Variants in PPFIBP2 observed in about 807,000 individuals in gnomAD.
PPFIBP2 encodes the protein PPFIB scaffold protein 2.
PPFIBP2 carries 118 observed loss-of-function variants against 118.3 expected under a neutral mutation model. That is an observed-to-expected ratio of 1.00 (90% confidence interval 0.86 to 1.16). The LOEUF is 1.16. PPFIBP2 is among the 50% of genes most tolerant of loss of function. PPFIBP2 has a pLI of 0.00. For synonymous variants in PPFIBP2, 414 were observed against 397.4 expected (o/e 1.04, Z -0.50); for missense variants, 1,195 against 1,073.1 (o/e 1.11, Z -1.59).
At chr11:7,558,648 C>G (rs543395601) in intron 2 of PPFIBP2, among the ~76,000 whole-genome samples, 2 of 151,538 alleles carry the variant, frequency 1.3e-5, no homozygotes, top group Admixed American at 1.3e-4. Flanking sequence ...CCCACCTACT[C>G]GGGAGGCTGA....
chr11:7,537,731 G>C (rs1427877213), intron 1 of PPFIBP2, among the ~76,000 whole-genome samples: 4 of 152,324 alleles, frequency 2.6e-5, no homozygotes, highest in Non-Finnish European at 4.4e-5. Flanking sequence ...GATGGGGTTT[G>C]GTGATGCTCT....
intron 6 of PPFIBP2, among the ~76,000 whole-genome samples, chr11:7,618,712 G>A (rs967120258): frequency 4.0e-5 from 6 of 151,278 alleles, no homozygotes; most frequent in Admixed American, 2.0e-4. Flanking sequence ...TTTTTTTTTA[G>A]CTGGGATTAC....
rs142436434 is a variant in PPFIBP2 at position 7,617,055 on chromosome 11, C to T, written c.619-3880C>T. On this transcript the variant is annotated intron_variant, in intron 6 of 23. Transcript: ENST00000299492. Reference sequence around the variant, plus strand: ...TGTGCTGTTCTCTTAAGGAGTTCTGCGTCTGAGAGCTGTCTGACCTGGAGT... The same window carrying T: ...TGTGCTGTTCTCTTAAGGAGTTCTGTGTCTGAGAGCTGTCTGACCTGGAGT... 1.8e-3 allele frequency: 1,646 copies of T among 895,076 alleles called. 26 individuals carry two copies. In the African/African-American group the frequency reaches 0.027, roughly 14 times the overall value. The allele number at this position is 895,076 out of a possible 1,614,324, so 55.4% of individuals were successfully genotyped here. A position where few individuals can be genotyped will look rare whatever the true frequency, so the allele number is the denominator to read the frequency against.
At chr11:7,572,629 A>G (rs1290248444) in intron 3 of PPFIBP2, among the ~76,000 whole-genome samples, 2 of 152,120 alleles carry the variant, frequency 1.3e-5, no homozygotes, top group African/African-American at 4.8e-5. Flanking sequence ...CTTACCCTCC[A>G]CCTACAAAAG....
At position 7,555,267 on chromosome 11, in the gene PPFIBP2, G is replaced by A. The variant is rs186567113; in HGVS notation, c.64+5728G>A. Among the ~76,000 whole-genome samples the A allele has an allele frequency of 4.6e-5, 7 of 152,292 alleles. No homozygotes were observed. In the East Asian group the frequency reaches 1.4e-3, roughly 29 times the overall value. On this transcript the variant is annotated intron_variant, in intron 2 of 23. Coordinates refer to ENST00000299492, the MANE Select transcript of PPFIBP2 (RefSeq NM_003621.5). ...TTACTCATGCAGTTATGTACAAGCA[G>A]TACTCACTGAGGAGGAATAGTTAAG...
intron 6 of PPFIBP2, chr11:7,617,036 GTTC>G: frequency 1.3e-6 from 1 of 785,450 alleles, no homozygotes; most frequent in Non-Finnish European, 1.5e-6. Flanking sequence ...CCTCTGTGCT[GTTC>G]TCTTAAGGAG....
intron 2 of PPFIBP2, among the ~76,000 whole-genome samples, chr11:7,558,983 A>G (rs751626177): frequency 3.3e-5 from 5 of 152,132 alleles, no homozygotes; most frequent in Non-Finnish European, 5.9e-5. Flanking sequence ...CACCTGGGAA[A>G]CTTTTTATTA....
intron 3 of PPFIBP2, among the ~76,000 whole-genome samples, chr11:7,581,135 AACAG>A (rs375357149): frequency 3.3e-5 from 5 of 152,316 alleles, no homozygotes; most frequent in African/African-American, 1.2e-4. Flanking sequence ...TCATTCTCCT[AACAG>A]ACAAAGCCTA....
At chr11:7,524,054 C>T (rs1850002584) in intron 1 of PPFIBP2, among the ~76,000 whole-genome samples, 2 of 152,168 alleles carry the variant, frequency 1.3e-5, no homozygotes, top group South Asian at 4.1e-4. Flanking sequence ...TTGCTTCTGG[C>T]GAAAGGTTCA....
In PPFIBP2 at chr11:7,653,712, G is replaced by A. The variant is rs772080514; in HGVS notation, c.*494G>A. 44 of 1,259,424 alleles carry A rather than the reference G, an allele frequency of 3.5e-5. No homozygotes were observed. The highest frequency in any genetic ancestry group is 4.5e-5 in the Non-Finnish European group (44 of 975,138). The allele number at this position is 1,259,424 out of a possible 1,614,324, so 78.0% of individuals were successfully genotyped here. A position where few individuals can be genotyped will look rare whatever the true frequency, so the allele number is the denominator to read the frequency against. On this transcript the variant is annotated 3_prime_UTR_variant, in exon 24 of 24. Coordinates refer to ENST00000299492, the MANE Select transcript of PPFIBP2 (RefSeq NM_003621.5). ...GAATTGTGTTGTGCCTTACTTCAGA[G>A]GTGGTCTCTTCTTTCTTGTAATAAA...
chr11:7,650,507 T>C (rs1016118333), intron 21 of PPFIBP2, among the ~76,000 whole-genome samples: 1 of 152,226 alleles, frequency 6.6e-6, no homozygotes, highest in Admixed American at 6.5e-5. Flanking sequence ...ATTGTAAAAT[T>C]GACAGTCATC....
At chr11:7,656,304 C>G (rs1423446349), downstream of PPFIBP2, among the ~76,000 whole-genome samples, 1 of 152,184 alleles carries the variant, frequency 6.6e-6, no homozygotes, top group Non-Finnish European at 1.5e-5. Context: ...TGTCCCTGTA[C>G]TTTGCTTGCT....
chr11:7,548,807 G>A (rs1852619235), intron 1 of PPFIBP2, among the ~76,000 whole-genome samples: 1 of 152,110 alleles, frequency 6.6e-6, no homozygotes, highest in Non-Finnish European at 1.5e-5. Context: ...GCTGGGTAGA[G>A]TGGATCTAAG....
chr11:7,639,833 C>A lies in PPFIBP2; in HGVS notation c.1338C>A (p.Cys446Ter). 1 of 1,614,208 alleles carries A rather than the reference C, an allele frequency of 6.2e-7. No individual in the cohort carries two copies. The highest frequency in any genetic ancestry group is 8.5e-7 in the Non-Finnish European group (1 of 1,180,040). The change falls in exon 15 of 24, where the codon TGC becomes TGA. Residue 446 changes from cysteine to a stop codon, truncating the protein, a stop_gained. Coordinates refer to ENST00000299492, the MANE Select transcript of PPFIBP2 (RefSeq NM_003621.5). LOFTEE classifies it high-confidence loss of function. ...CTGCCAAATCTCCTCCCACCATCTG[C>A]CAGCCTGACGCCACGGGGAGCAGCC... is the stretch of plus-strand genomic sequence containing the variant. ...GEAAKSPPTI[C>*]QPDATGSSLL...
chr11:7,606,847 C>G (rs904443003), intron 5 of PPFIBP2, among the ~76,000 whole-genome samples: 4 of 135,122 alleles, frequency 3.0e-5, no homozygotes, highest in African/African-American at 1.1e-4. Flanking sequence ...CACATCAAAG[C>G]AGTATTTTGA....
chr11:7,570,778 G>T (rs1266252419), intron 3 of PPFIBP2, among the ~76,000 whole-genome samples: 3 of 150,814 alleles, frequency 2.0e-5, no homozygotes, highest in Non-Finnish European at 3.0e-5. Context: ...AAAGGCCAGG[G>T]TTCTACCCTG....
chr11:7,640,960 G>C (rs187101897), intron 15 of PPFIBP2: 845 of 1,149,426 alleles, frequency 7.4e-4, no homozygotes, highest in Non-Finnish European at 9.2e-4. Context: ...TTGCTTCCCC[G>C]TAACTCTGTT....
chr11:7,543,970 T>G (rs562331939), intron 1 of PPFIBP2, among the ~76,000 whole-genome samples: 1 of 152,158 alleles, frequency 6.6e-6, no homozygotes, highest in Non-Finnish European at 1.5e-5. Flanking sequence ...AAAACATGGC[T>G]TTTCCTCACT....
At chr11:7,551,621 A>T (rs1228364962) in intron 2 of PPFIBP2, among the ~76,000 whole-genome samples, 1 of 152,158 alleles carries the variant, frequency 6.6e-6, no homozygotes, top group Non-Finnish European at 1.5e-5. Flanking sequence ...CAGTTTTTTG[A>T]TCACAAAGTA....
Sources: gnomAD v4.1 joint callset for allele counts (sites outside exome capture counted in the v4.1 genomes callset) on GRCh38, gnomAD v4.1.1 for gene constraint, MANE v1.5 for transcripts, NCBI Gene and HGNC (gene_info 2026-07-23, HGNC 2026-07-21) for gene names.